APP: variants seen among roughly 807,000 people sequenced by gnomAD.
The protein encoded by APP is amyloid beta precursor protein.
In APP, 31 loss-of-function variants were observed where a neutral mutation model predicts 101.4. That is an observed-to-expected ratio of 0.31 (90% CI 0.23 to 0.41). The LOEUF (loss-of-function observed/expected upper bound fraction) is 0.41. Ranked by LOEUF, APP falls within the 10% of genes least tolerant of loss-of-function variation. The pLI is 1.00. For synonymous variants in APP, 366 were observed against 364.4 expected, an observed-to-expected ratio of 1.00 and a Z score of -0.05; for missense variants, 839 against 1,003.7, an observed-to-expected ratio of 0.84 and a Z score of 2.22.
At chr21:25,920,740 G>A (rs2039590942) in intron 13 of APP, among the ~76,000 whole-genome samples, 1 of 147,584 alleles carries the variant, frequency 6.8e-6, no homozygotes, top group African/African-American at 2.5e-5. Context: ...AGTCCTGAGT[G>A]ACCTACAAAG....
At chr21:26,049,090 C>A (rs975490456) in intron 5 of APP, among the ~76,000 whole-genome samples, 1 of 152,032 alleles carries the variant, frequency 6.6e-6, no homozygotes, top group Non-Finnish European at 1.5e-5. Context: ...ATATTTCCTA[C>A]CAACTGTCAA....
At chr21:26,078,720 A>G (rs2061540698) in intron 3 of APP, among the ~76,000 whole-genome samples, 1 of 152,212 alleles carries the variant, frequency 6.6e-6, no homozygotes, top group Non-Finnish European at 1.5e-5. Flanking sequence ...AGCTGTCTGG[A>G]AAGTTATTTA....
At chr21:26,051,555 C>T (rs1434257499) in intron 4 of APP, among the ~76,000 whole-genome samples, 1 of 152,114 alleles carries the variant, frequency 6.6e-6, no homozygotes, top group African/African-American at 2.4e-5. Context: ...AGAAATTGTG[C>T]GCATTCCAGG....
Position 25,896,173 on chromosome 21 carries a change from AT to A in APP, c.2064+1399del, listed in dbSNP as rs1173326312. Among the ~76,000 whole-genome samples the A allele has an allele frequency of 6.6e-5, 10 of 152,320 alleles. No homozygotes were observed. The East Asian group carries it at 1.9e-3, about 29-fold the overall frequency. On this transcript the variant is annotated intron_variant, in intron 16 of 17. Transcript: ENST00000346798. ...AGAAACCCTGATCTTATAACAACTG[AT>A]ACTAGATTATCTTGCCAATGAAAAC... is the stretch of plus-strand genomic sequence containing the variant.
chr21:26,127,689 T>C (rs1016238076), intron 1 of APP, among the ~76,000 whole-genome samples: 2 of 152,214 alleles, frequency 1.3e-5, no homozygotes, highest in African/African-American at 2.4e-5. Context: ...ATTTAGTAAT[T>C]ACCAGCTGTT....
intron 3 of APP, among the ~76,000 whole-genome samples, chr21:26,076,578 A>C (rs190404706): frequency 6.6e-6 from 1 of 152,240 alleles, no homozygotes; most frequent in Non-Finnish European, 1.5e-5. Flanking sequence ...TCAGCCCTAA[A>C]GTCTATCAAA....
intron 3 of APP, among the ~76,000 whole-genome samples, chr21:26,059,820 G>T (rs1808450427): frequency 6.7e-6 from 1 of 149,050 alleles, no homozygotes. Flanking sequence ...GAACCTGGGA[G>T]GTGGAGGTTG....
intron 5 of APP, among the ~76,000 whole-genome samples, chr21:26,044,382 A>G (rs1200655124): frequency 6.6e-6 from 1 of 152,228 alleles, no homozygotes; most frequent in Non-Finnish European, 1.5e-5. Context: ...GGCAAATAGG[A>G]ACAACTGACA....
At chr21:26,142,628 GC>G (rs2063072033) in intron 1 of APP, among the ~76,000 whole-genome samples, 1 of 152,014 alleles carries the variant, frequency 6.6e-6, no homozygotes, top group South Asian at 2.1e-4. Flanking sequence ...AAACTGCTGG[GC>G]CTGGTGGTGC....
chr21:26,044,734 T>C lies in APP; in HGVS notation c.662+6266A>G, dbSNP rs147193229. On this transcript the variant is annotated intron_variant, in intron 5 of 17. Transcript: ENST00000346798. ...TTGTATTTTTAGTAGGGATGGGCTT[T>C]CTCCATGTTGGTCAGGCTGGTCTCG... Among the ~76,000 whole-genome samples, 23 of 152,302 alleles carry C rather than the reference T, an allele frequency of 1.5e-4. No homozygotes were observed. In the East Asian group the frequency reaches 2.7e-3, roughly 18 times the overall value.
intron 3 of APP, among the ~76,000 whole-genome samples, chr21:26,085,229 C>T (rs1268289799): frequency 6.6e-6 from 1 of 152,206 alleles, no homozygotes; most frequent in African/African-American, 2.4e-5. Context: ...GATGTCTCTC[C>T]AAGGATGGCT....
chr21:25,914,700 C>T (rs1175590696), intron 13 of APP, among the ~76,000 whole-genome samples: 1 of 152,038 alleles, frequency 6.6e-6, no homozygotes, highest in Non-Finnish European at 1.5e-5. Context: ...ACTACAGGCG[C>T]CCGCCACCAC....
chr21:26,031,753 T>C (rs2044837333), intron 5 of APP, among the ~76,000 whole-genome samples: 3 of 152,170 alleles, frequency 2.0e-5, no homozygotes, highest in Admixed American at 2.0e-4. Context: ...TAATTGAAGT[T>C]GATATTTGAA....
intron 6 of APP, among the ~76,000 whole-genome samples, chr21:26,008,487 A>G (rs1034312249): frequency 1.3e-5 from 2 of 152,186 alleles, no homozygotes; most frequent in Admixed American, 1.3e-4. Flanking sequence ...GAGAGACAGG[A>G]GTATGCTGGG....
intron 16 of APP, among the ~76,000 whole-genome samples, chr21:25,892,966 A>AC (rs2037796141): frequency 6.6e-6 from 1 of 150,502 alleles, no homozygotes; most frequent in African/African-American, 2.4e-5. Flanking sequence ...AAAAAACAAA[A>AC]AGGTTTCTGG....
intron 13 of APP, among the ~76,000 whole-genome samples, chr21:25,947,619 C>G (rs216773): frequency 0.22 from 33,828 of 152,126 alleles, 7,927 homozygotes; most frequent in African/African-American, 0.59. Context: ...ATGTCTGTTA[C>G]TTAATAACAC....
At chr21:26,154,479 C>G (rs1466488665) in intron 1 of APP, among the ~76,000 whole-genome samples, 1 of 152,124 alleles carries the variant, frequency 6.6e-6, no homozygotes, top group Non-Finnish European at 1.5e-5. Context: ...TAATACTAGT[C>G]CACAGAGAGG....
intron 11 of APP, among the ~76,000 whole-genome samples, chr21:25,956,806 G>A (rs916036693): frequency 2.6e-5 from 4 of 152,144 alleles, no homozygotes; most frequent in African/African-American, 9.7e-5. Flanking sequence ...CTTTTGCTTA[G>A]TTAACTTAGG....
At chr21:25,977,765 G>T (rs901005515) in intron 9 of APP, among the ~76,000 whole-genome samples, 1 of 152,204 alleles carries the variant, frequency 6.6e-6, no homozygotes, top group African/African-American at 2.4e-5. Flanking sequence ...CAATGAACAA[G>T]AATAGAACAT....
Sources: gnomAD v4.1 joint callset for allele counts (sites outside exome capture counted in the v4.1 genomes callset) on GRCh38, gnomAD v4.1.1 for gene constraint, MANE v1.5 for transcripts, NCBI Gene and HGNC (gene_info 2026-07-23, HGNC 2026-07-21) for gene names.